The following HAUS6 variants were observed in gnomAD, a reference collection of about 807,000 sequenced individuals.
HAUS6 encodes HAUS augmin-like complex subunit 6.
A neutral mutation model predicts 106.8 loss-of-function variants in HAUS6; 80 were observed. The observed-to-expected ratio is 0.75, with a 90% CI of 0.63 to 0.90. The LOEUF (loss-of-function observed/expected upper bound fraction) is 0.90. HAUS6 is among the 40% of genes least tolerant of loss of function. The pLI, the probability that HAUS6 is intolerant of heterozygous loss-of-function variation, is 0.00. For synonymous variants in HAUS6, 356 were observed against 379.1 expected, an observed-to-expected ratio of 0.94 and a Z score of 0.71; for missense variants, 1,155 against 1,118.1, an observed-to-expected ratio of 1.03 and a Z score of -0.47.
At chr9:19,073,947 G>C (rs1437899183) in intron 11 of HAUS6, 1 of 152,100 alleles carries the variant, frequency 6.6e-6, no homozygotes, top group African/African-American at 2.4e-5. Context: ...AAAAGTTTAA[G>C]TTAAAATTTA....
chr9:19,075,960 G>GAA lies in HAUS6; in HGVS notation c.1294+640_1294+641dup, dbSNP rs1212966351. Among the ~76,000 whole-genome samples, 349 of 135,676 alleles carry GAA rather than the reference G, an allele frequency of 2.6e-3. 1 individual carries two copies. The highest frequency in any genetic ancestry group is 8.9e-3 in the African/African-American group (333 of 37,310). The allele number at this position is 135,676 out of a possible 152,430, so 89.0% of individuals were successfully genotyped here. ...GGCAACAGAGCAAGACTCCATCTCG[G>GAA]AAAAAAAAAAAAAAAAAAACACAAG... On this transcript the variant is annotated intron_variant, in intron 11 of 16. Transcript: ENST00000380502.
intron 4 of HAUS6, among the ~76,000 whole-genome samples, chr9:19,092,117 A>T (rs989620686): frequency 6.6e-6 from 1 of 152,154 alleles, no homozygotes; most frequent in Non-Finnish European, 1.5e-5. Context: ...ATACGATGCT[A>T]ATAAGCCTTT....
chr9:19,099,017 CAAA>C (rs377024544), intron 1 of HAUS6, among the ~76,000 whole-genome samples: 4 of 90,676 alleles, frequency 4.4e-5, no homozygotes, highest in Non-Finnish European at 8.9e-5. Flanking sequence ...AACTCCATCT[CAAA>C]AAAAAAAAAA....
At position 19,086,066 on chromosome 9, in the gene HAUS6, C is replaced by A. The variant is rs539188939; in HGVS notation, c.699+668G>T. Among the ~76,000 whole-genome samples, 3 of 151,880 alleles carry A rather than the reference C, an allele frequency of 2.0e-5. No homozygotes were observed. In the East Asian group the frequency reaches 5.8e-4, roughly 29 times the overall value. ...GTGGCTCATGCCTGTAATCCCAGCACTTTGGGAGACTGAGGCGGGCAGATC... is the reference window on the plus strand; with the variant it reads ...GTGGCTCATGCCTGTAATCCCAGCAATTTGGGAGACTGAGGCGGGCAGATC... On this transcript the variant is annotated intron_variant, in intron 7 of 16. Transcript: ENST00000380502.
At chr9:19,063,698 C>G (rs750667507) in intron 12 of HAUS6, 118 bp from the exon 13 acceptor site, 2 of 806,944 alleles carry the variant, frequency 2.5e-6, no homozygotes, top group African/African-American at 3.4e-5. Context: ...TCACTCAATT[C>G]GTCCCGGTCA....
intron 7 of HAUS6, among the ~76,000 whole-genome samples, chr9:19,084,010 G>C (rs938688075): frequency 2.9e-5 from 4 of 136,512 alleles, no homozygotes; most frequent in Non-Finnish European, 4.6e-5. Flanking sequence ...CAGCTACTCA[G>C]AAGGCTGAGG....
At chr9:19,086,424 C>G (rs1020692097) in intron 7 of HAUS6, among the ~76,000 whole-genome samples, 3 of 152,130 alleles carry the variant, frequency 2.0e-5, no homozygotes, top group South Asian at 2.1e-4. Flanking sequence ...AGTTCAAGAC[C>G]AGCCTGGCCA....
At chr9:19,087,846 CAAAAAAAA>C (rs71333081) in intron 5 of HAUS6, among the ~76,000 whole-genome samples, 2 of 78,714 alleles carry the variant, frequency 2.5e-5, no homozygotes, top group Admixed American at 1.8e-4. Context: ...GACCTTGTCT[CAAAAAAAA>C]AAAAAAAAAA....
At chr9:19,090,522 G>A (rs951146452) in intron 4 of HAUS6, among the ~76,000 whole-genome samples, 10 of 152,052 alleles carry the variant, frequency 6.6e-5, no homozygotes, top group East Asian at 3.9e-4. Context: ...CCGCCACCAC[G>A]CCCGGCTAAT....
At chr9:19,061,018 G>C (rs199620024) in intron 14 of HAUS6, among the ~76,000 whole-genome samples, 5 of 152,124 alleles carry the variant, frequency 3.3e-5, no homozygotes, top group African/African-American at 4.8e-5. Flanking sequence ...TACAAAATTA[G>C]CTGGGCATGG....
At position 19,096,674 on chromosome 9, in the gene HAUS6, T is replaced by C; in HGVS notation, c.224A>G (p.Lys75Arg). Reference protein sequence around the residue: ...LDQSLTKEVFKFCWPPFDQKS... With the variant: ...LDQSLTKEVFRFCWPPFDQKS... ...AGAAAATGAAATTATTTTTCCTTAC[T>C]TGAAAACTTCTTTGGTGAGAGACTG... The change falls in exon 2 of 17, where the codon AAA (lysine) becomes AGA (arginine). Residue 75 changes from lysine (K) to arginine (R), a missense_variant and splice_region_variant. Physicochemically the swap from Lys to Arg is conservative, Grantham distance 26. Transcript: ENST00000380502. 2 of 1,359,588 alleles carry C rather than the reference T, an allele frequency of 1.5e-6. No individual in the cohort carries two copies. Among genetic ancestry groups the C allele is most frequent in the Admixed American group, 4.6e-5 (2 of 43,154 alleles). 84.2% of individuals were successfully genotyped at this position (1,359,588 alleles called of 1,614,324 possible). A position where few individuals can be genotyped will look rare whatever the true frequency, so the allele number is the denominator to read the frequency against.
At chr9:19,092,509 G>A (rs528440265) in intron 4 of HAUS6, among the ~76,000 whole-genome samples, 3 of 151,564 alleles carry the variant, frequency 2.0e-5, no homozygotes, top group South Asian at 2.1e-4. Flanking sequence ...CAGCTACTCC[G>A]GGGGCTGAGG....
chr9:19,077,149 A>T (rs574468203), intron 10 of HAUS6, among the ~76,000 whole-genome samples: 34 of 152,266 alleles, frequency 2.2e-4, no homozygotes, highest in Non-Finnish European at 3.7e-4. Flanking sequence ...CAGCCCTATA[A>T]CTATTTTTAA....
At chr9:19,099,462 G>A (rs1817941727) in intron 1 of HAUS6, among the ~76,000 whole-genome samples, 1 of 151,058 alleles carries the variant, frequency 6.6e-6, no homozygotes, top group Admixed American at 6.6e-5. Context: ...CACCGCACCC[G>A]GCCTCTTTTT....
chr9:19,084,051 CAAAAA>C (rs35034404), intron 7 of HAUS6, among the ~76,000 whole-genome samples: 1 of 100,436 alleles, frequency 1.0e-5, no homozygotes. Context: ...AGGATCCTTG[CAAAAA>C]AAAAAAAAAA....
chr9:19,099,612 T>G (rs1384868080), intron 1 of HAUS6, among the ~76,000 whole-genome samples: 1 of 152,068 alleles, frequency 6.6e-6, no homozygotes, highest in East Asian at 1.9e-4. Context: ...TTAACAGGTG[T>G]GAACCACCAT....
intron 4 of HAUS6, among the ~76,000 whole-genome samples, chr9:19,092,508 C>T (rs966834464): frequency 1.3e-5 from 2 of 148,404 alleles, no homozygotes; most frequent in South Asian, 2.2e-4. Flanking sequence ...CCAGCTACTC[C>T]GGGGGCTGAG....
intron 1 of HAUS6, among the ~76,000 whole-genome samples, chr9:19,102,175 A>G (rs1289093923): frequency 6.6e-6 from 1 of 151,710 alleles, no homozygotes; most frequent in East Asian, 1.9e-4. Context: ...TGTTTTGTAC[A>G]TATGGTTCCC....
In HAUS6 at chr9:19,063,550, T is replaced by A; in HGVS notation, c.1407A>T (p.Ser469=). Residue 469 remains serine, a synonymous_variant, in exon 13 of 17, where the codon TCA becomes TCT. Transcript: ENST00000380502. ...SPASFLSQSV[S]SSDRNSVTVL... Reference sequence around the variant, plus strand: ...CTGTAACACTGTTTCTATCTGATGATGAAACTGACTGCGACAAGAAAGAGG... The same window carrying A: ...CTGTAACACTGTTTCTATCTGATGAAGAAACTGACTGCGACAAGAAAGAGG... The A allele has an allele frequency of 6.2e-7, 1 of 1,606,488 alleles. No individual in the cohort carries two copies. Among genetic ancestry groups the A allele is most frequent in the Non-Finnish European group, 8.5e-7 (1 of 1,173,066 alleles).
Sources: gnomAD v4.1 joint callset for allele counts (sites outside exome capture counted in the v4.1 genomes callset) on GRCh38, gnomAD v4.1.1 for gene constraint, MANE v1.5 for transcripts, NCBI Gene and HGNC (gene_info 2026-07-23, HGNC 2026-07-21) for gene names.